SREK1IP1: variants seen among roughly 807,000 people sequenced by gnomAD.
The protein encoded by SREK1IP1 is protein SREK1IP1.
In SREK1IP1, 12 loss-of-function variants were observed where a neutral mutation model predicts 22.8. That is an observed-to-expected ratio of 0.53 (90% CI 0.34 to 0.85). SREK1IP1 has a LOEUF of 0.85. Ranked by LOEUF, SREK1IP1 falls within the 40% of genes least tolerant of loss-of-function variation. SREK1IP1 has a pLI of 0.02. For missense variants in SREK1IP1, 147 were observed against 171.8 expected (o/e 0.86, Z 0.81); for synonymous variants, 53 against 52.7 (o/e 1.01, Z -0.02).
chr5:64,763,038 C>T (rs568967746), intron 1 of SREK1IP1, among the ~76,000 whole-genome samples: 1 of 151,598 alleles, frequency 6.6e-6, no homozygotes, highest in African/African-American at 2.4e-5. Context: ...GGTGACAGAG[C>T]GAGACTCTGT....
At chr5:64,742,095 A>C (rs892978949) in intron 2 of SREK1IP1, among the ~76,000 whole-genome samples, 1 of 152,054 alleles carries the variant, frequency 6.6e-6, no homozygotes, top group East Asian at 1.9e-4. Flanking sequence ...AATTATACCT[A>C]TACCTGCAAT....
chr5:64,735,011 TTTATCA>T (rs138339705), intron 3 of SREK1IP1, among the ~76,000 whole-genome samples: 10,107 of 152,052 alleles, frequency 0.066, 1,082 homozygotes, highest in African/African-American at 0.23. Flanking sequence ...CCTTCAGTCT[TTTATCA>T]TTAAGTATGA....
intron 1 of SREK1IP1, among the ~76,000 whole-genome samples, chr5:64,765,765 T>C (rs750631298): frequency 6.6e-6 from 1 of 152,248 alleles, no homozygotes; most frequent in Non-Finnish European, 1.5e-5. Context: ...AGAATTTTAA[T>C]GAGGCCTTAA....
chr5:64,739,313 G>A (rs1202989466), intron 3 of SREK1IP1, among the ~76,000 whole-genome samples: 1 of 152,096 alleles, frequency 6.6e-6, no homozygotes, highest in Non-Finnish European at 1.5e-5. Flanking sequence ...GTGTGTCCCA[G>A]TCTAAAGAAC....
chr5:64,723,657 GACTT>G lies in SREK1IP1; in HGVS notation c.*723_*726del, dbSNP rs1347518975. On this transcript the variant is annotated 3_prime_UTR_variant, in exon 5 of 5. Coordinates refer to ENST00000513458, the MANE Select transcript of SREK1IP1 (RefSeq NM_173829.4). ...CAACCAACTCAGCATCATCTCTGCAGACTTACTAACAGGCTGAACTAATCTCTTT... is the reference window on the plus strand; with the variant it reads ...CAACCAACTCAGCATCATCTCTGCAGACTAACAGGCTGAACTAATCTCTTT... 3 of 152,568 alleles carry G rather than the reference GACTT, an allele frequency of 2.0e-5. No homozygotes were observed. The highest frequency in any genetic ancestry group is 7.2e-5 in the African/African-American group (3 of 41,442). 9.5% of individuals were successfully genotyped at this position (152,568 alleles called of 1,614,324 possible).
At chr5:64,729,021 T>G (rs986789181) in intron 3 of SREK1IP1, among the ~76,000 whole-genome samples, 1 of 152,148 alleles carries the variant, frequency 6.6e-6, no homozygotes, top group Non-Finnish European at 1.5e-5. Context: ...TGAAACCCCA[T>G]TTCTACTAAA....
In SREK1IP1 at chr5:64,723,287, C is replaced by T. The variant is rs1742204872; in HGVS notation, c.*1097G>A. 1 of 152,120 alleles carries T rather than the reference C, an allele frequency of 6.6e-6. No individual in the cohort carries two copies. Among genetic ancestry groups the T allele is most frequent in the Non-Finnish European group, 1.5e-5 (1 of 68,014 alleles). 9.4% of individuals were successfully genotyped at this position (152,120 alleles called of 1,614,324 possible). On this transcript the variant is annotated 3_prime_UTR_variant, in exon 5 of 5. Coordinates refer to ENST00000513458, the MANE Select transcript of SREK1IP1 (RefSeq NM_173829.4). Reference sequence around the variant, plus strand: ...ATTTTAAAAAGTACAGAATAAAATTCTCAATTCTTTTTTTGACACTTTTTA... The same window carrying T: ...ATTTTAAAAAGTACAGAATAAAATTTTCAATTCTTTTTTTGACACTTTTTA...
At chr5:64,744,143 T>C (rs1156976821) in intron 2 of SREK1IP1, among the ~76,000 whole-genome samples, 1 of 152,008 alleles carries the variant, frequency 6.6e-6, no homozygotes, top group African/African-American at 2.4e-5. Flanking sequence ...AGAAAAAGCC[T>C]CAGGTGAACA....
rs191385620 is a variant in SREK1IP1, at chr5:64,744,899, G to C, written c.62-3699C>G. Among the ~76,000 whole-genome samples, 5 of 152,216 alleles carry C rather than the reference G, an allele frequency of 3.3e-5. No individual in the cohort carries two copies. In the East Asian group the frequency reaches 9.7e-4, roughly 29 times the overall value. ...ATTTGTTTTCTTCTAATTATCTTAT[G>C]GGAACTCAAACACACTATACGCATT... is the stretch of plus-strand genomic sequence containing the variant. On this transcript the variant is annotated intron_variant, in intron 2 of 4. Coordinates refer to ENST00000513458, the MANE Select transcript of SREK1IP1 (RefSeq NM_173829.4).
At chr5:64,726,268 T>C (rs111290697) in intron 4 of SREK1IP1, among the ~76,000 whole-genome samples, 9,775 of 152,028 alleles carry the variant, frequency 0.064, 1,038 homozygotes, top group African/African-American at 0.23. Context: ...GTTAATTTAA[T>C]TTCAGGTTTG....
intron 2 of SREK1IP1, among the ~76,000 whole-genome samples, chr5:64,749,160 A>G (rs953238424): frequency 6.6e-6 from 1 of 150,874 alleles, no homozygotes; most frequent in Non-Finnish European, 1.5e-5. Context: ...AAATCTGTCA[A>G]TCTATACACA....
chr5:64,760,912 T>C (rs1026426347), intron 1 of SREK1IP1, among the ~76,000 whole-genome samples: 7 of 152,208 alleles, frequency 4.6e-5, no homozygotes, highest in Non-Finnish European at 8.8e-5. Flanking sequence ...TATATACCTT[T>C]TGGCAGTTTT....
At position 64,753,911 on chromosome 5, in the gene SREK1IP1, T is replaced by C. The variant is rs192443558; in HGVS notation, c.61+404A>G. ...CCATGAGCAGAAATTCTGAGACCAA[T>C]TGAATCTTTAAAGTAAATGTAATAA... is the stretch of plus-strand genomic sequence containing the variant. On this transcript the variant is annotated intron_variant, in intron 2 of 4. Coordinates refer to ENST00000513458, the MANE Select transcript of SREK1IP1 (RefSeq NM_173829.4). Among the ~76,000 whole-genome samples the C allele has an allele frequency of 7.2e-5, 11 of 152,346 alleles. No individual in the cohort carries two copies. The East Asian group carries it at 1.7e-3, about 24-fold the overall frequency.
intron 3 of SREK1IP1, among the ~76,000 whole-genome samples, chr5:64,735,492 T>C (rs1023386932): frequency 1.3e-5 from 2 of 152,112 alleles, no homozygotes; most frequent in Non-Finnish European, 2.9e-5. Context: ...AGAGAAGCCA[T>C]TGGGCATGAA....
chr5:64,760,808 A>C (rs1267940413), intron 1 of SREK1IP1, among the ~76,000 whole-genome samples: 2 of 152,214 alleles, frequency 1.3e-5, no homozygotes, highest in East Asian at 3.8e-4. Context: ...CTTACAGAAG[A>C]TATTAGACAT....
At chr5:64,762,293 T>C (rs1742964291) in intron 1 of SREK1IP1, among the ~76,000 whole-genome samples, 1 of 152,210 alleles carries the variant, frequency 6.6e-6, no homozygotes, top group South Asian at 2.1e-4. Context: ...ATTACTTCTG[T>C]CACAGGACCC....
At chr5:64,768,391 A>T in intron 1 of SREK1IP1, 114 bp downstream of exon 1, 1 of 1,350,088 alleles carries the variant, frequency 7.4e-7, no homozygotes, top group Non-Finnish European at 1.0e-6. Flanking sequence ...TGTGAATTTT[A>T]AGGCCTCCGC....
chr5:64,762,218 CTTAAAT>C lies in SREK1IP1; in HGVS notation c.13+6281_13+6286del, dbSNP rs201756988. 2.0e-5 allele frequency among the ~76,000 whole-genome samples: 3 copies of C among 152,090 alleles called. No homozygotes were observed. The East Asian group carries it at 5.8e-4, about 29-fold the overall frequency. ...TACATTAAAATATTTCCTAGAATCG[CTTAAAT>C]TTAAACATATACAGCTTAAGTAACT... On this transcript the variant is annotated intron_variant, in intron 1 of 4. Transcript: ENST00000513458.
chr5:64,739,158 A>C (rs1457409168), intron 3 of SREK1IP1, among the ~76,000 whole-genome samples: 1 of 152,122 alleles, frequency 6.6e-6, no homozygotes, highest in Non-Finnish European at 1.5e-5. Context: ...CTGTAAAACT[A>C]ATGTCCTTCA....
Sources: allele counts gnomAD v4.1 joint callset (sites outside exome capture counted in the v4.1 genomes callset), GRCh38; gene constraint gnomAD v4.1.1; transcripts MANE v1.5; gene names NCBI Gene and HGNC (gene_info 2026-07-23, HGNC 2026-07-21).